The following NDRG1 variants were observed in gnomAD, a reference collection of about 807,000 sequenced individuals.
NDRG1 encodes protein NDRG1.
NDRG1 carries 32 observed loss-of-function variants against 56.9 expected under a neutral mutation model. The observed-to-expected ratio is 0.56, with a 90% CI of 0.42 to 0.76. NDRG1 has a LOEUF of 0.76. Among genes scored for constraint, NDRG1 ranks in the 30% least tolerant of loss-of-function variants. The probability of loss-of-function intolerance (pLI) is 0.00; values close to 1 mark genes in which losing one functional copy is unlikely to be tolerated. For synonymous variants in NDRG1, 211 were observed against 204.1 expected (o/e 1.03, Z -0.29); for missense variants, 507 against 545.7 (o/e 0.93, Z 0.71).
chr8:133,242,482 C>T (rs959178402), intron 14 of NDRG1, among the ~76,000 whole-genome samples: 1 of 152,206 alleles, frequency 6.6e-6, no homozygotes, highest in African/African-American at 2.4e-5. Context: ...CAACCCCTCA[C>T]GAGGTCAGTG....
At chr8:133,250,581 C>T (rs1196398073) in intron 9 of NDRG1, 38 bp from the exon 10 acceptor site, 2 of 1,544,518 alleles carry the variant, frequency 1.3e-6, no homozygotes, top group Admixed American at 3.3e-5. Context: ...CCTCATCGCA[C>T]TGTGGCCCTG....
At position 133,238,625 on chromosome 8, in the gene NDRG1, G is replaced by A. The variant is rs1453597322; in HGVS notation, c.*253C>T. 5.4e-6 allele frequency: 3 copies of A among 559,634 alleles called. No homozygotes were observed. Among genetic ancestry groups the A allele is most frequent in the Admixed American group, 6.5e-5 (2 of 30,596 alleles). The allele number at this position is 559,634 out of a possible 1,614,324, so 34.7% of individuals were successfully genotyped here. On this transcript the variant is annotated 3_prime_UTR_variant, in exon 16 of 16. Transcript: ENST00000323851. Reference sequence around the variant, plus strand: ...GAGGGAGGGGAGGAGAGTGGCAACCGGCCACTGGTTAATGGAAGAGGATGC... The same window carrying A: ...GAGGGAGGGGAGGAGAGTGGCAACCAGCCACTGGTTAATGGAAGAGGATGC...
At chr8:133,244,840 C>T (rs985807301) in intron 13 of NDRG1, among the ~76,000 whole-genome samples, 2 of 152,224 alleles carry the variant, frequency 1.3e-5, no homozygotes, top group Admixed American at 6.5e-5. Context: ...TTTGGGTCTT[C>T]AGGCCGGATT....
At chr8:133,252,927 G>A (rs1241550010) in intron 9 of NDRG1, among the ~76,000 whole-genome samples, 8 of 152,122 alleles carry the variant, frequency 5.3e-5, no homozygotes, top group African/African-American at 1.7e-4. Flanking sequence ...TGGTACACTC[G>A]TCAACTCCAG....
At chr8:133,250,908 TAAAAAAAA>T (rs75259677) in intron 9 of NDRG1, among the ~76,000 whole-genome samples, 2 of 124,886 alleles carry the variant, frequency 1.6e-5, no homozygotes, top group Non-Finnish European at 3.3e-5. Flanking sequence ...TCAGATCTCT[TAAAAAAAA>T]AAAAAAAAAA....
At chr8:133,248,947 G>C (rs1374001496) in intron 10 of NDRG1, among the ~76,000 whole-genome samples, 176 bp from the exon 11 acceptor site, 1 of 152,188 alleles carries the variant, frequency 6.6e-6, no homozygotes, top group Non-Finnish European at 1.5e-5. Flanking sequence ...GGTGTCCACA[G>C]ACCTGGTTAG....
At chr8:133,291,735 C>G (rs940293573) in intron 1 of NDRG1, among the ~76,000 whole-genome samples, 1 of 152,116 alleles carries the variant, frequency 6.6e-6, no homozygotes, top group African/African-American at 2.4e-5. Flanking sequence ...TGCAGTGGAG[C>G]CTGAAACCCA....
chr8:133,271,870 CACGATAAAAAG>C (rs1586466020), intron 3 of NDRG1, among the ~76,000 whole-genome samples: 2 of 147,350 alleles, frequency 1.4e-5, no homozygotes, highest in East Asian at 4.0e-4. Context: ...CCAGGAGGAA[CACGATAAAAAG>C]ACAGCCACCC....
chr8:133,256,167 C>T (rs1362240430), intron 8 of NDRG1: 1 of 154,802 alleles, frequency 6.5e-6, no homozygotes. Flanking sequence ...CCCTTAGCCA[C>T]ACCGAGTCCT....
At chr8:133,276,305 T>A (rs953510334) in intron 3 of NDRG1, among the ~76,000 whole-genome samples, 28 of 152,196 alleles carry the variant, frequency 1.8e-4, no homozygotes, top group African/African-American at 5.8e-4. Flanking sequence ...TTTTGCAGAC[T>A]TTCCAGAGAA....
In NDRG1 at chr8:133,238,950, G is replaced by A. The variant is rs754275542; in HGVS notation, c.1113C>T (p.His371=). Residue 371 remains histidine, a synonymous_variant, in exon 16 of 16, where the codon CAC becomes CAT. Transcript: ENST00000323851. The part of the protein sequence containing the change: ...RSRSHTSEGA[H]LDITPNSGAA... ...CACCCGAGTTGGGGGTGATGTCCAG[G>A]TGGGCCCCCTCGCTGGTGTGCGAGC... The A allele has an allele frequency of 3.0e-5, 47 of 1,576,944 alleles. No individual in the cohort carries two copies. The highest frequency in any genetic ancestry group is 3.9e-5 in the Non-Finnish European group (45 of 1,162,278).
At chr8:133,293,858 A>C (rs954503068) in intron 1 of NDRG1, among the ~76,000 whole-genome samples, 3 of 152,214 alleles carry the variant, frequency 2.0e-5, no homozygotes, top group Non-Finnish European at 2.9e-5. Flanking sequence ...CAACCTACAT[A>C]AGCTTAGCAA....
chr8:133,242,451 C>A (rs765367311), intron 14 of NDRG1, among the ~76,000 whole-genome samples: 13 of 152,230 alleles, frequency 8.5e-5, no homozygotes, highest in Non-Finnish European at 1.9e-4. Context: ...GGCTTTGCTG[C>A]GTTCATTCAT....
chr8:133,252,656 A>G (rs544058316), intron 9 of NDRG1, among the ~76,000 whole-genome samples: 4 of 151,230 alleles, frequency 2.6e-5, no homozygotes, highest in African/African-American at 4.9e-5. Flanking sequence ...CGCCAACTCC[A>G]GAGTGGGGCC....
chr8:133,274,823 G>T (rs1422188855), intron 3 of NDRG1, among the ~76,000 whole-genome samples: 1 of 152,166 alleles, frequency 6.6e-6, no homozygotes, highest in Non-Finnish European at 1.5e-5. Flanking sequence ...GCTCAATGTG[G>T]CTCACTTCAC....
At chr8:133,264,007 G>A (rs1193097503) in intron 4 of NDRG1, among the ~76,000 whole-genome samples, 1 of 151,714 alleles carries the variant, frequency 6.6e-6, no homozygotes, top group Non-Finnish European at 1.5e-5. Context: ...TTCAATAAAG[G>A]AATAAAGGAA....
intron 2 of NDRG1, among the ~76,000 whole-genome samples, chr8:133,280,479 A>G (rs1857733205): frequency 6.7e-6 from 1 of 149,334 alleles, no homozygotes; most frequent in Non-Finnish European, 1.5e-5. Flanking sequence ...GTTAGAGTAC[A>G]GTGGTGTGAT....
chr8:133,270,768 A>T lies in NDRG1; in HGVS notation c.100-6116T>A, dbSNP rs144373342. Reference sequence around the variant, plus strand: ...CTTTCTAGGTTGGTGAGAATAGCAAACATTTCCTTGGCACAGCACTGTTTT... The same window carrying T: ...CTTTCTAGGTTGGTGAGAATAGCAATCATTTCCTTGGCACAGCACTGTTTT... On this transcript the variant is annotated intron_variant, in intron 3 of 15. Transcript: ENST00000323851. Among the ~76,000 whole-genome samples the T allele has an allele frequency of 3.1e-3, 478 of 152,266 alleles. 4 individuals carry two copies. Among genetic ancestry groups the T allele is most frequent in the South Asian group, 0.013 (61 of 4,826 alleles).
intron 3 of NDRG1, among the ~76,000 whole-genome samples, chr8:133,273,447 T>A (rs572379208): frequency 6.6e-6 from 1 of 152,176 alleles, no homozygotes; most frequent in African/African-American, 2.4e-5. Flanking sequence ...CCCTCCAGAT[T>A]TTCTGGGCCT....
Sources: allele counts gnomAD v4.1 joint callset (sites outside exome capture counted in the v4.1 genomes callset), GRCh38; gene constraint gnomAD v4.1.1; transcripts MANE v1.5; gene names NCBI Gene and HGNC (gene_info 2026-07-23, HGNC 2026-07-21).